Variants in RCAN3 observed in about 807,000 individuals in gnomAD.
RCAN3 encodes the protein calcipressin-3.
RCAN3 carries 19 observed loss-of-function variants against 21.9 expected under a neutral mutation model. The observed-to-expected ratio is 0.87, with a 90% CI of 0.61 to 1.27. The LOEUF (loss-of-function observed/expected upper bound fraction) is 1.27. RCAN3 is among the 50% of genes most tolerant of loss of function. The pLI is 0.00. For missense variants in RCAN3, 240 were observed against 300.1 expected, an observed-to-expected ratio of 0.80 and a Z score of 1.48; for synonymous variants, 114 against 112.3, an observed-to-expected ratio of 1.01 and a Z score of -0.09.
At position 24,539,339 on chromosome 1, in the gene RCAN3, A is replaced by G. The variant is rs1650390621; in HGVS notation, c.*4062A>G. 1 of 152,054 alleles carries G rather than the reference A, an allele frequency of 6.6e-6. No individual in the cohort carries two copies. The highest frequency in any genetic ancestry group is 2.4e-5 in the African/African-American group (1 of 41,414). The allele number at this position is 152,054 out of a possible 1,614,324, so 9.4% of individuals were successfully genotyped here. The stretch of plus-strand genomic sequence containing the variant: ...ATGGAAGAGGTGACTTAATAATTTT[A>G]TTAATGAATTTGATGTCCCATGTTT... On this transcript the variant is annotated 3_prime_UTR_variant, in exon 5 of 5. Transcript: ENST00000374395.
rs936724279 is a variant in RCAN3, at chr1:24,539,947, C to T, written c.*4670C>T. On this transcript the variant is annotated 3_prime_UTR_variant, in exon 5 of 5. Coordinates refer to ENST00000374395, the MANE Select transcript of RCAN3 (RefSeq NM_013441.4). ...ACAAAAGATGGGGCAATAGTTGCTT[C>T]CTAGCTGGAGCTGTAAGTCCATGTT... 6.6e-6 allele frequency: 1 copy of T among 152,158 alleles called. No individual in the cohort carries two copies. The highest frequency in any genetic ancestry group is 2.4e-5 in the African/African-American group (1 of 41,446). The allele number at this position is 152,158 out of a possible 1,614,324, so 9.4% of individuals were successfully genotyped here. A position where few individuals can be genotyped will look rare whatever the true frequency, so the allele number is the denominator to read the frequency against.
rs762171578 is a variant in RCAN3 at position 24,535,261 on chromosome 1, T to C, written c.710T>C (p.Phe237Ser). Residue 237 changes from phenylalanine to serine, a missense_variant, in exon 5 of 5, where the codon TTT becomes TCT. By Grantham distance (155) the Phe-to-Ser change is radical. Coordinates refer to ENST00000374395, the MANE Select transcript of RCAN3 (RefSeq NM_013441.4). ...PTAALNEPQT[F>S]DCAL ...GCAGCGTTGAATGAGCCCCAGACCT[T>C]TGATTGCGCGCTGTGAGGCCCTTGG... The C allele has an allele frequency of 2.6e-6, 4 of 1,549,258 alleles. No individual in the cohort carries two copies. Among genetic ancestry groups the C allele is most frequent in the Middle Eastern group, 1.7e-4 (1 of 5,772 alleles).
intron 2 of RCAN3, among the ~76,000 whole-genome samples, chr1:24,530,226 G>T (rs893059832): frequency 2.6e-5 from 4 of 151,396 alleles, no homozygotes; most frequent in African/African-American, 9.7e-5. Flanking sequence ...GTGGTGGCAG[G>T]TGCCTATAGT....
intron 3 of RCAN3, among the ~76,000 whole-genome samples, chr1:24,532,380 C>G (rs1352329372): frequency 6.6e-6 from 1 of 152,040 alleles, no homozygotes; most frequent in Non-Finnish European, 1.5e-5. Flanking sequence ...GCATATGCCA[C>G]CACACCTAGC....
At chr1:24,511,174 A>G (rs988968354) in intron 1 of RCAN3, among the ~76,000 whole-genome samples, 20 of 152,108 alleles carry the variant, frequency 1.3e-4, no homozygotes, top group East Asian at 3.9e-4. Flanking sequence ...TTAGCTGGGC[A>G]TGGTGGCGTG....
Position 24,538,407 on chromosome 1 carries a change from T to C in RCAN3, c.*3130T>C, listed in dbSNP as rs1229689985. Reference sequence around the variant, plus strand: ...ATTTTTTATTTTTTATTTTTATTTATTTATTTATTTATTTTGAGACAGAGT... The same window carrying C: ...ATTTTTTATTTTTTATTTTTATTTACTTATTTATTTATTTTGAGACAGAGT... On this transcript the variant is annotated 3_prime_UTR_variant, in exon 5 of 5. Transcript: ENST00000374395. 6.6e-6 allele frequency: 1 copy of C among 150,576 alleles called. No individual in the cohort carries two copies. Among genetic ancestry groups the C allele is most frequent in the Non-Finnish European group, 1.5e-5 (1 of 67,194 alleles). 9.3% of individuals were successfully genotyped at this position (150,576 alleles called of 1,614,324 possible). A position where few individuals can be genotyped will look rare whatever the true frequency, so the allele number is the denominator to read the frequency against.
At chr1:24,503,991 C>T (rs939675520) in intron 1 of RCAN3, among the ~76,000 whole-genome samples, 2 of 152,232 alleles carry the variant, frequency 1.3e-5, no homozygotes, top group African/African-American at 4.8e-5. Flanking sequence ...ATCTTAAACT[C>T]TGTAAACACA....
intron 2 of RCAN3, among the ~76,000 whole-genome samples, chr1:24,530,376 A>AAAAAAAAAAAAAAAAAAAAAC (rs1649663263): frequency 6.7e-6 from 1 of 149,588 alleles, no homozygotes; most frequent in Non-Finnish European, 1.5e-5. Flanking sequence ...AAAAAAAAAA[A>AAAAAAAAAAAAAAAAAAAAAC]AAAGACAGTC....
At chr1:24,526,579 A>G (rs1417606438) in intron 2 of RCAN3, among the ~76,000 whole-genome samples, 6 of 152,196 alleles carry the variant, frequency 3.9e-5, no homozygotes, top group African/African-American at 1.4e-4. Context: ...ATGCGTTGGT[A>G]CTAGGAAGAA....
rs34827408 is a variant in RCAN3, at chr1:24,538,571, A to ATTTTTTTTT, written c.*3306_*3314dup. ...AGGCGCCCGCTCCCACGCCCGGCTA[A>ATTTTTTTTT]TTTTTTTTTTTTTTTTTTTTATAAG... On this transcript the variant is annotated 3_prime_UTR_variant, in exon 5 of 5. Coordinates refer to ENST00000374395, the MANE Select transcript of RCAN3 (RefSeq NM_013441.4). 11 of 127,528 alleles carry ATTTTTTTTT rather than the reference A, an allele frequency of 8.6e-5. No homozygotes were observed. Among genetic ancestry groups the ATTTTTTTTT allele is most frequent in the African/African-American group, 3.5e-4 (11 of 31,636 alleles). 7.9% of individuals were successfully genotyped at this position (127,528 alleles called of 1,614,324 possible).
At chr1:24,529,045 AT>A (rs1246309950) in intron 2 of RCAN3, among the ~76,000 whole-genome samples, 1 of 152,212 alleles carries the variant, frequency 6.6e-6, no homozygotes, top group Non-Finnish European at 1.5e-5. Context: ...ACTCCCATCT[AT>A]TTGCAATTTG....
chr1:24,523,558 T>TAC (rs202072126), intron 2 of RCAN3, among the ~76,000 whole-genome samples: 1 of 147,400 alleles, frequency 6.8e-6, no homozygotes, highest in African/African-American at 2.7e-5. Context: ...CAAATATGTA[T>TAC]ACACACACAT....
intron 3 of RCAN3, among the ~76,000 whole-genome samples, chr1:24,532,023 C>T (rs1649803539): frequency 6.6e-6 from 1 of 151,736 alleles, no homozygotes; most frequent in Admixed American, 6.6e-5. Context: ...TTTTCAGTCT[C>T]CCTTACAAAT....
At chr1:24,521,101 A>G (rs1360470984) in intron 2 of RCAN3, among the ~76,000 whole-genome samples, 1 of 152,220 alleles carries the variant, frequency 6.6e-6, no homozygotes, top group East Asian at 1.9e-4. Context: ...ACTGGCATAA[A>G]GACAAACATA....
intron 1 of RCAN3, among the ~76,000 whole-genome samples, chr1:24,509,254 T>C (rs1647699351): frequency 6.6e-6 from 1 of 152,180 alleles, no homozygotes; most frequent in Non-Finnish European, 1.5e-5. Context: ...ATCAGGGTGG[T>C]GATGCTGTAG....
intron 1 of RCAN3, among the ~76,000 whole-genome samples, chr1:24,507,248 G>C (rs1231002963): frequency 1.3e-5 from 2 of 152,132 alleles, no homozygotes; most frequent in Non-Finnish European, 2.9e-5. Flanking sequence ...GTGCATGCTG[G>C]TCCTACTGTC....
At position 24,538,085 on chromosome 1, in the gene RCAN3, C is replaced by T. The variant is rs1470801829; in HGVS notation, c.*2808C>T. ...CACTTAACAAGGATAGTCACAGAAC[C>T]GACGCTGCATTGGCTCTTAGGTTCT... On this transcript the variant is annotated 3_prime_UTR_variant, in exon 5 of 5. Transcript: ENST00000374395. The T allele has an allele frequency of 2.0e-5, 3 of 152,110 alleles. No individual in the cohort carries two copies. The highest frequency in any genetic ancestry group is 2.9e-5 in the Non-Finnish European group (2 of 68,032). 9.4% of individuals were successfully genotyped at this position (152,110 alleles called of 1,614,324 possible). A position where few individuals can be genotyped will look rare whatever the true frequency, so the allele number is the denominator to read the frequency against.
intron 4 of RCAN3, among the ~76,000 whole-genome samples, chr1:24,534,471 A>G (rs1459575998): frequency 6.6e-6 from 1 of 152,050 alleles, no homozygotes; most frequent in Non-Finnish European, 1.5e-5. Context: ...GCCGGGCGTG[A>G]TAGCGGGCGC....
rs140715280 is a variant in RCAN3, at chr1:24,514,840, G to A, written c.195+273G>A. ...AAAAACTAGCCGGGTGTGGTGGTGC[G>A]CGCCTGTAATCCCAGCTACTCGCAG... On this transcript the variant is annotated intron_variant, in intron 2 of 4. Transcript: ENST00000374395. Among the ~76,000 whole-genome samples, 39 of 151,894 alleles carry A rather than the reference G, an allele frequency of 2.6e-4. No individual in the cohort carries two copies. The East Asian group carries it at 6.6e-3, about 26-fold the overall frequency.
Sources: gnomAD v4.1 joint callset for allele counts (sites outside exome capture counted in the v4.1 genomes callset) on GRCh38, gnomAD v4.1.1 for gene constraint, MANE v1.5 for transcripts, NCBI Gene and HGNC (gene_info 2026-07-23, HGNC 2026-07-21) for gene names.